Variants in TRAPPC9 observed in about 807,000 individuals in gnomAD.
TRAPPC9 encodes the protein trafficking protein particle complex subunit 9.
Under a neutral mutation model 124.0 loss-of-function variants are expected in TRAPPC9, and 83 were observed. The ratio of observed to expected loss-of-function variants is 0.67; its 90% CI spans 0.56 to 0.80. TRAPPC9 has a LOEUF of 0.80. Among genes scored for constraint, TRAPPC9 ranks in the 30% least tolerant of loss-of-function variants. TRAPPC9 has a pLI of 0.00. For synonymous variants in TRAPPC9, 638 were observed against 617.5 expected (o/e 1.03, Z -0.49); for missense variants, 1,302 against 1,508.3 (o/e 0.86, Z 2.27).
At chr8:140,031,397 T>C (rs1840488231) in intron 17 of TRAPPC9, among the ~76,000 whole-genome samples, 1 of 152,214 alleles carries the variant, frequency 6.6e-6, no homozygotes, top group Admixed American at 6.5e-5. Flanking sequence ...CTAATATAAC[T>C]AACACTATTG....
intron 21 of TRAPPC9, among the ~76,000 whole-genome samples, chr8:139,864,708 C>G (rs547421457): frequency 2.0e-5 from 3 of 151,136 alleles, no homozygotes; most frequent in Non-Finnish European, 3.0e-5. Flanking sequence ...GCAAGCCCTG[C>G]AGGGCTGTGG....
intron 6 of TRAPPC9, among the ~76,000 whole-genome samples, chr8:140,403,324 G>A (rs1392055454): frequency 1.3e-5 from 2 of 152,028 alleles, no homozygotes; most frequent in African/African-American, 2.4e-5. Flanking sequence ...CGCTACTCAG[G>A]AGGCTAAGAC....
At chr8:140,285,116 T>C (rs754618086) in intron 13 of TRAPPC9, among the ~76,000 whole-genome samples, 1 of 152,202 alleles carries the variant, frequency 6.6e-6, no homozygotes, top group Non-Finnish European at 1.5e-5. Flanking sequence ...TGTCTGATAA[T>C]ACAAGGTCAG....
intron 21 of TRAPPC9, among the ~76,000 whole-genome samples, chr8:139,753,239 C>A (rs1262050140): frequency 6.6e-6 from 1 of 151,080 alleles, no homozygotes; most frequent in African/African-American, 2.4e-5. Flanking sequence ...ATCTACCCAT[C>A]CATCCATTCA....
intron 17 of TRAPPC9, among the ~76,000 whole-genome samples, chr8:140,027,554 G>A (rs1264678578): frequency 1.3e-5 from 2 of 151,904 alleles, no homozygotes; most frequent in East Asian, 3.9e-4. Context: ...CTACTTTCTG[G>A]GAATTTACTA....
intron 17 of TRAPPC9, among the ~76,000 whole-genome samples, chr8:140,102,908 G>A (rs1563763514): frequency 6.6e-6 from 1 of 152,256 alleles, no homozygotes; most frequent in Non-Finnish European, 1.5e-5. Context: ...CCACATGCCT[G>A]TGGCTCCCAT....
chr8:139,779,693 A>G (rs1398390680), intron 21 of TRAPPC9, among the ~76,000 whole-genome samples: 2 of 152,142 alleles, frequency 1.3e-5, no homozygotes, highest in Admixed American at 6.5e-5. Flanking sequence ...TAAGATAATA[A>G]AAGAGTTATA....
At chr8:140,348,739 G>C (rs1372005525) in intron 9 of TRAPPC9, among the ~76,000 whole-genome samples, 1 of 152,192 alleles carries the variant, frequency 6.6e-6, no homozygotes, top group Non-Finnish European at 1.5e-5. Context: ...ACTGACTGTG[G>C]TGATAGGTGC....
chr8:140,424,123 C>A (rs771539765), intron 5 of TRAPPC9, among the ~76,000 whole-genome samples: 7 of 150,866 alleles, frequency 4.6e-5, no homozygotes, highest in Admixed American at 2.6e-4. Flanking sequence ...AGGTAAACTG[C>A]ATTAAAACTA....
intron 19 of TRAPPC9, among the ~76,000 whole-genome samples, chr8:139,982,972 C>A (rs1186614613): frequency 6.6e-6 from 1 of 152,174 alleles, no homozygotes; most frequent in Admixed American, 6.5e-5. Flanking sequence ...CTCGTCACGT[C>A]GTGCTGTAAA....
At position 139,885,944 on chromosome 8, in the gene TRAPPC9, G is replaced by C; in HGVS notation, c.2990C>G (p.Ala997Gly). Residue 997 changes from alanine (A) to glycine (G), a missense_variant, in exon 21 of 23, where the codon GCG becomes GGG. This residue lies in a region of TRAPPC9 where 640 missense variants were observed against 679.3 expected (regional missense o/e 0.94). Transcript: ENST00000438773. ...CTGGTTCAGGAGTCCTTCCACACTC[G>C]CCTCGCCACTGCGCTTCAGGGAGGG... ...RIPSLKRSGE[A>G]SVEGLLNQLV... The C allele has an allele frequency of 6.4e-7, 1 of 1,571,360 alleles. No homozygotes were observed. The highest frequency in any genetic ancestry group is 8.6e-7 in the Non-Finnish European group (1 of 1,157,384).
At chr8:139,957,792 C>T (rs891618554) in intron 19 of TRAPPC9, among the ~76,000 whole-genome samples, 8 of 152,196 alleles carry the variant, frequency 5.3e-5, no homozygotes, top group Non-Finnish European at 8.8e-5. Flanking sequence ...CTGCCCCCCT[C>T]GGGCCGAGCC....
intron 11 of TRAPPC9, among the ~76,000 whole-genome samples, chr8:140,296,147 TATA>T (rs2065797221): frequency 1.3e-5 from 2 of 152,322 alleles, no homozygotes; most frequent in South Asian, 4.1e-4. Flanking sequence ...AAATAGGGAA[TATA>T]ATAATGCCGG....
intron 17 of TRAPPC9, among the ~76,000 whole-genome samples, chr8:140,188,933 C>T (rs1329426174): frequency 6.6e-6 from 1 of 152,202 alleles, no homozygotes; most frequent in African/African-American, 2.4e-5. Flanking sequence ...AGCCCTGTAA[C>T]TTCCCAAATA....
At chr8:140,458,146 G>A (rs1052869322), upstream of TRAPPC9, 12 of 1,485,552 alleles carry the variant, frequency 8.1e-6, 1 homozygote, top group African/African-American at 1.1e-4. Context: ...GAGGAGGAGG[G>A]AAGGAGGGAG....
At chr8:140,073,765 T>C (rs1843331431) in intron 17 of TRAPPC9, among the ~76,000 whole-genome samples, 1 of 152,176 alleles carries the variant, frequency 6.6e-6, no homozygotes, top group South Asian at 2.1e-4. Flanking sequence ...GTAGGGATGA[T>C]AAAGATGGGA....
At chr8:140,143,840 A>G (rs2061417029) in intron 17 of TRAPPC9, among the ~76,000 whole-genome samples, 1 of 152,226 alleles carries the variant, frequency 6.6e-6, no homozygotes, top group South Asian at 2.1e-4. Flanking sequence ...CATCAATTCT[A>G]AAATTCTTAT....
intron 20 of TRAPPC9, among the ~76,000 whole-genome samples, chr8:139,887,067 T>C (rs1042233201): frequency 6.6e-5 from 10 of 152,076 alleles, no homozygotes; most frequent in Admixed American, 4.6e-4. Context: ...TCCAATGCAA[T>C]AGCCACAGAG....
chr8:139,928,679 G>A (rs1832947355), intron 19 of TRAPPC9, among the ~76,000 whole-genome samples: 2 of 151,158 alleles, frequency 1.3e-5, no homozygotes, highest in African/African-American at 4.9e-5. Flanking sequence ...CCCTGGAGGT[G>A]ACGCATTCTC....
Sources: allele counts gnomAD v4.1 joint callset (sites outside exome capture counted in the v4.1 genomes callset), GRCh38; gene constraint gnomAD v4.1.1; regional missense constraint gnomAD v4.1.1; transcripts MANE v1.5; gene names NCBI Gene and HGNC (gene_info 2026-07-23, HGNC 2026-07-21).